Variants in EYA4 observed in about 807,000 individuals in gnomAD.
EYA4 encodes EYA transcriptional coactivator and phosphatase 4.
In EYA4, 31 loss-of-function variants were observed where a neutral mutation model predicts 87.9. The observed-to-expected ratio is 0.35, with a 90% CI of 0.27 to 0.48. The LOEUF is 0.48. Ranked by LOEUF, EYA4 falls within the 20% of genes least tolerant of loss-of-function variation. The pLI is 0.99. For missense variants in EYA4, 678 were observed against 761.4 expected (o/e 0.89, Z 1.29); for synonymous variants, 263 against 270.6 (o/e 0.97, Z 0.28).
In EYA4 at chr6:133,465,419, T is replaced by A. The variant is rs142286787; in HGVS notation, c.804+561T>A. Among the ~76,000 whole-genome samples, 563 of 152,300 alleles carry A rather than the reference T, an allele frequency of 3.7e-3. 2 individuals are homozygous for A. Among genetic ancestry groups the A allele is most frequent in the African/African-American group, 0.013 (542 of 41,584 alleles). The stretch of plus-strand genomic sequence containing the variant: ...CACTTTCCTGACAGCTGCAACTTTT[T>A]GCTTTTGTCACTGTGCCTGCCTCTG... On this transcript the variant is annotated intron_variant, in intron 10 of 19. Coordinates refer to ENST00000355286, the MANE Select transcript of EYA4 (RefSeq NM_004100.5).
Position 133,527,749 on chromosome 6 carries a change from TAAATA to T in EYA4, c.1840-970_1840-966del, listed in dbSNP as rs998249993. 8.5e-5 allele frequency among the ~76,000 whole-genome samples: 13 copies of T among 152,320 alleles called. No homozygotes were observed. In the South Asian group the frequency reaches 1.0e-3, roughly 12 times the overall value. ...AAGGATTATTATGCTACTTAGTTCT[TAAATA>T]AAATATCTTTTGCATGTTTTATATC... On this transcript the variant is annotated intron_variant, in intron 19 of 19. Coordinates refer to ENST00000355286, the MANE Select transcript of EYA4 (RefSeq NM_004100.5).
At chr6:133,524,747 C>T (rs1285322247) in intron 18 of EYA4, among the ~76,000 whole-genome samples, 2 of 152,082 alleles carry the variant, frequency 1.3e-5, no homozygotes, top group African/African-American at 4.8e-5. Flanking sequence ...TAAAGTTACC[C>T]CAATACTCTG....
intron 13 of EYA4, among the ~76,000 whole-genome samples, chr6:133,496,482 C>G (rs1479853441): frequency 6.6e-6 from 1 of 152,106 alleles, no homozygotes; most frequent in Non-Finnish European, 1.5e-5. Context: ...GATCCCATTT[C>G]CCCTACATGA....
At chr6:133,241,980 T>G (rs1426210989) in intron 1 of EYA4, among the ~76,000 whole-genome samples, 2 of 152,176 alleles carry the variant, frequency 1.3e-5, no homozygotes, top group Non-Finnish European at 2.9e-5. Flanking sequence ...AGCGGTGCTC[T>G]CTGCCCTAGA....
intron 2 of EYA4, among the ~76,000 whole-genome samples, chr6:133,295,370 A>G (rs191247893): frequency 6.6e-6 from 1 of 152,342 alleles, no homozygotes; most frequent in East Asian, 1.9e-4. Context: ...GACAACTGTC[A>G]TTCTTATGTA....
chr6:133,484,661 G>GTAGTAT (rs1423792417), intron 13 of EYA4, among the ~76,000 whole-genome samples: 4 of 152,342 alleles, frequency 2.6e-5, no homozygotes, highest in African/African-American at 9.6e-5. Flanking sequence ...TTTATTCTAA[G>GTAGTAT]TAGTATTGGC....
At chr6:133,403,050 G>T (rs1285844288) in intron 3 of EYA4, among the ~76,000 whole-genome samples, 1 of 152,024 alleles carries the variant, frequency 6.6e-6, no homozygotes, top group South Asian at 2.1e-4. Flanking sequence ...GATTAAATTA[G>T]CTATAACTAA....
intron 2 of EYA4, among the ~76,000 whole-genome samples, chr6:133,348,659 C>A (rs1402612497): frequency 1.3e-5 from 2 of 152,228 alleles, no homozygotes; most frequent in South Asian, 4.1e-4. Context: ...ACTTTTATCT[C>A]CAACCTAGAC....
chr6:133,268,398 T>C (rs770673222), intron 1 of EYA4, among the ~76,000 whole-genome samples: 3 of 152,242 alleles, frequency 2.0e-5, no homozygotes, highest in Admixed American at 2.0e-4. Context: ...TTGCCATTTA[T>C]GTAATCCATG....
chr6:133,530,106 T>A lies in EYA4; in HGVS notation c.*1301T>A, dbSNP rs1583581078. On this transcript the variant is annotated 3_prime_UTR_variant, in exon 20 of 20. Transcript: ENST00000355286. ...GTGTCTAATGAAAGCAATGAGTCTA[T>A]GAAAATTTTACCTAGAATATCATCA... 1.0e-6 allele frequency: 1 copy of A among 985,236 alleles called. No homozygotes were observed. The highest frequency in any genetic ancestry group is 1.2e-6 in the Non-Finnish European group (1 of 829,746). The allele number at this position is 985,236 out of a possible 1,614,324, so 61.0% of individuals were successfully genotyped here. A position where few individuals can be genotyped will look rare whatever the true frequency, so the allele number is the denominator to read the frequency against.
intron 2 of EYA4, among the ~76,000 whole-genome samples, chr6:133,335,624 C>T (rs553925459): frequency 6.6e-6 from 1 of 152,048 alleles, no homozygotes; most frequent in Non-Finnish European, 1.5e-5. Context: ...TGATTGAAGA[C>T]TAAAACTAAT....
intron 13 of EYA4, among the ~76,000 whole-genome samples, chr6:133,503,531 C>T (rs1798320009): frequency 6.6e-6 from 1 of 152,042 alleles, no homozygotes; most frequent in South Asian, 2.1e-4. Flanking sequence ...GTTTTATTGT[C>T]TTGCATCAGT....
At chr6:133,252,579 A>T (rs184200748) in intron 1 of EYA4, among the ~76,000 whole-genome samples, 2,651 of 152,318 alleles carry the variant, frequency 0.017, 38 homozygotes, top group South Asian at 0.031. Flanking sequence ...ATTTAAGCAT[A>T]TATGAAACAC....
At chr6:133,277,346 C>G (rs1297233376) in intron 2 of EYA4, among the ~76,000 whole-genome samples, 1 of 152,162 alleles carries the variant, frequency 6.6e-6, no homozygotes, top group African/African-American at 2.4e-5. Flanking sequence ...ACCAACTTCT[C>G]TCTGGCCCCA....
chr6:133,277,546 A>C (rs1777278051), intron 2 of EYA4, among the ~76,000 whole-genome samples: 2 of 152,188 alleles, frequency 1.3e-5, no homozygotes, highest in African/African-American at 4.8e-5. Context: ...ACTTAGAGTA[A>C]ATATTCAATA....
At chr6:133,292,871 C>G (rs571264289) in intron 2 of EYA4, among the ~76,000 whole-genome samples, 1 of 152,274 alleles carries the variant, frequency 6.6e-6, no homozygotes, top group South Asian at 2.1e-4. Context: ...AAGTAGAGAT[C>G]ACACAGTCCA....
chr6:133,337,952 G>C (rs1782500608), intron 2 of EYA4, among the ~76,000 whole-genome samples: 1 of 152,152 alleles, frequency 6.6e-6, no homozygotes, highest in African/African-American at 2.4e-5. Context: ...CTGAGTTGGT[G>C]AAAGATTTAC....
At chr6:133,523,702 A>G (rs932888951) in intron 18 of EYA4, among the ~76,000 whole-genome samples, 3 of 152,186 alleles carry the variant, frequency 2.0e-5, no homozygotes, top group South Asian at 2.1e-4. Flanking sequence ...AAGAACCACA[A>G]CCTTGTTTAT....
At chr6:133,288,449 G>A (rs1424834091) in intron 2 of EYA4, among the ~76,000 whole-genome samples, 4 of 152,170 alleles carry the variant, frequency 2.6e-5, no homozygotes, top group Non-Finnish European at 5.9e-5. Flanking sequence ...GATTATCCTG[G>A]AGTTTCAAGC....
Sources: allele counts gnomAD v4.1 joint callset (sites outside exome capture counted in the v4.1 genomes callset), GRCh38; gene constraint gnomAD v4.1.1; transcripts MANE v1.5; gene names NCBI Gene and HGNC (gene_info 2026-07-23, HGNC 2026-07-21).